MMP19: variants seen among roughly 807,000 people sequenced by gnomAD.
MMP19 encodes the protein matrix metalloproteinase-19.
In MMP19, 47 loss-of-function variants were observed where a neutral mutation model predicts 46.6. That is an observed-to-expected ratio of 1.01 (90% CI 0.80 to 1.29). The LOEUF is 1.29. Ranked by LOEUF, MMP19 falls within the 50% of genes most tolerant of loss-of-function variation. The pLI, the probability that MMP19 is intolerant of heterozygous loss-of-function variation, is 0.00. For synonymous variants in MMP19, 222 were observed against 248.5 expected (o/e 0.89, Z 1.00); for missense variants, 589 against 643.5 (o/e 0.92, Z 0.92).
In MMP19 at chr12:55,841,161, AG is replaced by A; in HGVS notation, c.248del (p.Pro83LeufsTer5). 1 of 1,613,880 alleles carries A rather than the reference AG, an allele frequency of 6.2e-7. No individual in the cohort carries two copies. ...DDATRARMRQPRCGLEDPFNQ... is the reference protein window; with the variant it reads ...DDATRARMRQXRCGLEDPFNQ... The stretch of plus-strand genomic sequence containing the variant: ...TGAAGGGATCCTCTAGGCCACAACG[AG>A]GCTGCCTCATGCGGGCCCTTGTGGC... On this transcript the variant is annotated frameshift_variant, in exon 3 of 9. Coordinates refer to ENST00000322569, the MANE Select transcript of MMP19 (RefSeq NM_002429.6). LOFTEE classifies it high-confidence loss of function.
chr12:55,840,854 G>T lies in MMP19; in HGVS notation c.333C>A (p.Phe111Leu). 2 of 1,593,190 alleles carry T rather than the reference G, an allele frequency of 1.3e-6. No individual in the cohort carries two copies. The highest frequency in any genetic ancestry group is 1.7e-6 in the Non-Finnish European group (2 of 1,165,756). Residue 111 changes from phenylalanine (F) to leucine (L), a missense_variant, in exon 4 of 9, where the codon TTC (phenylalanine) becomes TTA (leucine). Coordinates refer to ENST00000322569, the MANE Select transcript of MMP19 (RefSeq NM_002429.6). Reference sequence around the variant, plus strand: ...GGGTGGAGGGCAGGTTCAAGATGCGGAAAGTCAGGTGCTTCTTTCTCCAGC... The same window carrying T: ...GGGTGGAGGGCAGGTTCAAGATGCGTAAAGTCAGGTGCTTCTTTCTCCAGC... ...LGRWRKKHLT[F>L]RILNLPSTLP...
intron 5 of MMP19, 134 bp from the exon 6 acceptor site, chr12:55,838,868 G>C: frequency 1.4e-6 from 1 of 690,038 alleles, no homozygotes; most frequent in African/African-American, 1.8e-5. Context: ...ATTTGTGGTA[G>C]GCAATATTAT....
Position 55,837,351 on chromosome 12 carries a change from G to C in MMP19, c.1212C>G (p.Asp404Glu). 1 of 1,604,516 alleles carries C rather than the reference G, an allele frequency of 6.2e-7. No individual in the cohort carries two copies. Among genetic ancestry groups the C allele is most frequent in the South Asian group, 1.1e-5 (1 of 90,708 alleles). ...TGCTGAAGTCAGTTCGGGCTAGCTC[G>C]TCCCACTGCCAGTACCCGGAGCCCT... Reference protein sequence around the residue: ...LFKGSGYWQWDELARTDFSSY... With the variant: ...LFKGSGYWQWEELARTDFSSY... Residue 404 changes from aspartate (D) to glutamate (E), a missense_variant, in exon 9 of 9, where the codon GAC becomes GAG. Asp to Glu is a conservative substitution (Grantham distance 45). Coordinates refer to ENST00000322569, the MANE Select transcript of MMP19 (RefSeq NM_002429.6).
chr12:55,837,964 C>A lies in MMP19; in HGVS notation c.939G>T (p.Trp313Cys). The A allele has an allele frequency of 3.7e-6, 6 of 1,603,292 alleles. No individual in the cohort carries two copies. Among genetic ancestry groups the A allele is most frequent in the Non-Finnish European group, 5.1e-6 (6 of 1,171,344 alleles). The change falls in exon 7 of 9, where the codon TGG becomes TGT. Residue 313 changes from tryptophan (W) to cysteine (C), a missense_variant. Coordinates refer to ENST00000322569, the MANE Select transcript of MMP19 (RefSeq NM_002429.6). ...KTYAFKGDYV[W>C]TVSDSGPGPL... ...GGCCCGGTCCTGAATCTGATACAGT[C>A]CACACATAGTCCCCCTTGAAAGCAT...
intron 2 of MMP19, among the ~76,000 whole-genome samples, chr12:55,841,764 G>T (rs559496398): frequency 6.6e-6 from 1 of 152,038 alleles, no homozygotes; most frequent in African/African-American, 2.4e-5. Flanking sequence ...GGAGGTGTCT[G>T]GCTCCCCTGC....
chr12:55,841,501 C>G (rs1881692314), intron 2 of MMP19: 1 of 358,978 alleles, frequency 2.8e-6, no homozygotes, highest in African/African-American at 2.1e-5. Context: ...CCTTCCTCCT[C>G]TACTGCAATC....
Position 55,842,930 on chromosome 12 carries a change from C to T in MMP19, c.-100G>A, listed in dbSNP as rs1376166484. ...TGCTAGGCAGAGGGGCTCTTACCCC[C>T]AGTTCTTTTTACTCTCCAGCCTCTA... is the stretch of plus-strand genomic sequence containing the variant. On this transcript the variant is annotated 5_prime_UTR_variant, in exon 1 of 9. Coordinates refer to ENST00000322569, the MANE Select transcript of MMP19 (RefSeq NM_002429.6). 6.7e-6 allele frequency: 6 copies of T among 894,420 alleles called. No homozygotes were observed. Among genetic ancestry groups the T allele is most frequent in the South Asian group, 2.9e-5 (2 of 68,812 alleles). The allele number at this position is 894,420 out of a possible 1,614,324, so 55.4% of individuals were successfully genotyped here. A position where few individuals can be genotyped will look rare whatever the true frequency, so the allele number is the denominator to read the frequency against.
chr12:55,836,902 G>T lies in MMP19; in HGVS notation c.*134C>A. On this transcript the variant is annotated 3_prime_UTR_variant, in exon 9 of 9. Transcript: ENST00000322569. ...GATCTACGGTCTTGCGCCTGCTACAGCACCTGCAAGGTTCTACTGAGCAGA... is the reference window on the plus strand; with the variant it reads ...GATCTACGGTCTTGCGCCTGCTACATCACCTGCAAGGTTCTACTGAGCAGA... The T allele has an allele frequency of 2.5e-6, 2 of 812,138 alleles. No homozygotes were observed. Among genetic ancestry groups the T allele is most frequent in the Non-Finnish European group, 1.9e-6 (1 of 518,784 alleles). 50.3% of individuals were successfully genotyped at this position (812,138 alleles called of 1,614,324 possible). A position where few individuals can be genotyped will look rare whatever the true frequency, so the allele number is the denominator to read the frequency against.
chr12:55,841,804 C>A (rs1178757003), intron 2 of MMP19, among the ~76,000 whole-genome samples: 2 of 152,166 alleles, frequency 1.3e-5, no homozygotes, highest in Non-Finnish European at 2.9e-5. Flanking sequence ...GTGCTCCCAC[C>A]TGACAGCCTG....
rs1405849866 is a variant in MMP19, at chr12:55,836,880, C to A, written c.*156G>T. ...GTTGGAAGTGTTAGAGGCCTGAGAT[C>A]TACGGTCTTGCGCCTGCTACAGCAC... On this transcript the variant is annotated 3_prime_UTR_variant, in exon 9 of 9. Coordinates refer to ENST00000322569, the MANE Select transcript of MMP19 (RefSeq NM_002429.6). 1.7e-5 allele frequency: 11 copies of A among 662,388 alleles called. No homozygotes were observed. The highest frequency in any genetic ancestry group is 3.7e-4 in the Middle Eastern group (1 of 2,670). 41.0% of individuals were successfully genotyped at this position (662,388 alleles called of 1,614,324 possible).
intron 4 of MMP19, 157 bp from the exon 5 acceptor site, chr12:55,839,898 T>G: frequency 9.9e-7 from 1 of 1,006,096 alleles, no homozygotes; most frequent in Non-Finnish European, 1.4e-6. Flanking sequence ...CAGATTCCCC[T>G]GTCATCACCC....
chr12:55,841,686 T>TG (rs1881715189), intron 2 of MMP19, among the ~76,000 whole-genome samples: 1 of 152,204 alleles, frequency 6.6e-6, no homozygotes, highest in Non-Finnish European at 1.5e-5. Context: ...CCCAAAGTGC[T>TG]GGGATTACAG....
intron 6 of MMP19, chr12:55,838,267 C>T (rs1249741728): frequency 3.2e-6 from 2 of 621,982 alleles, no homozygotes; most frequent in East Asian, 2.8e-5. Flanking sequence ...GAACCTCACC[C>T]TCCCCTCCAA....
Position 55,839,698 on chromosome 12 carries a change from C to T in MMP19, c.564G>A (p.Val188=). 1 of 1,614,022 alleles carries T rather than the reference C, an allele frequency of 6.2e-7. No homozygotes were observed. The change falls in exon 5 of 9, where the codon GTG becomes GTA. Residue 188 remains valine, a synonymous_variant. Coordinates refer to ENST00000322569, the MANE Select transcript of MMP19 (RefSeq NM_002429.6). ...AHADIPELGS[V]HFDEDEFWTE... ...TCCAGAACTCGTCTTCGTCGAAGTG[C>T]ACACTGCCCAGCTCTGGGATGTCGG...
In MMP19 at chr12:55,839,559, C is replaced by T. The variant is rs752383396; in HGVS notation, c.703G>A (p.Glu235Lys). ...YSQALMAPVY[E>K]GYRPHFKLHP... is the part of the protein sequence containing the mutation. Reference sequence around the variant, plus strand: ...AGCTTAAAGTGGGGCCGGTAGCCCTCGTAGACTGGGGCCATGAGGGCCTGG... The same window carrying T: ...AGCTTAAAGTGGGGCCGGTAGCCCTTGTAGACTGGGGCCATGAGGGCCTGG... Residue 235 changes from glutamate to lysine, a missense_variant, in exon 5 of 9, where the codon GAG becomes AAG. Transcript: ENST00000322569. 5.2e-5 allele frequency: 84 copies of T among 1,614,012 alleles called. No homozygotes were observed. Among genetic ancestry groups the T allele is most frequent in the Non-Finnish European group, 6.2e-5 (73 of 1,179,992 alleles).
intron 2 of MMP19, among the ~76,000 whole-genome samples, chr12:55,841,608 G>T (rs1048274620): frequency 6.7e-6 from 1 of 150,186 alleles, no homozygotes; most frequent in Non-Finnish European, 1.5e-5. Context: ...TGGTAGAGAT[G>T]GGGTCTCATT....
At position 55,837,667 on chromosome 12, in the gene MMP19, C is replaced by T. The variant is rs779486182; in HGVS notation, c.1076G>A (p.Arg359His). The part of the protein sequence containing the change: ...IHFFKGDKVW[R>H]YINFKMSPGF... ...AGGAGACATCTTGAAATTAATGTAGCGCCACACCTTGTCTCCTGAGAGCAT... is the reference window on the plus strand; with the variant it reads ...AGGAGACATCTTGAAATTAATGTAGTGCCACACCTTGTCTCCTGAGAGCAT... Residue 359 changes from arginine to histidine, a missense_variant, in exon 8 of 9, where the codon CGC (arginine) becomes CAC (histidine). By Grantham distance (29) the Arg-to-His change is conservative. Coordinates refer to ENST00000322569, the MANE Select transcript of MMP19 (RefSeq NM_002429.6). 15 of 1,614,036 alleles carry T rather than the reference C, an allele frequency of 9.3e-6. No homozygotes were observed. The highest frequency in any genetic ancestry group is 1.6e-4 in the Middle Eastern group (1 of 6,072).
At chr12:55,838,460 A>G in intron 6 of MMP19, 146 bp downstream of exon 6, 1 of 1,590,246 alleles carries the variant, frequency 6.3e-7, no homozygotes, top group Non-Finnish European at 8.6e-7. Flanking sequence ...TCCCCATGTC[A>G]CATGTCTCCT....
intron 5 of MMP19, 149 bp downstream of exon 5, chr12:55,839,347 T>A: frequency 1.1e-6 from 1 of 941,624 alleles, no homozygotes; most frequent in Non-Finnish European, 1.5e-6. Context: ...TGAGAAAAAC[T>A]GCTCCTGAAA....
Sources: allele counts gnomAD v4.1 joint callset (sites outside exome capture counted in the v4.1 genomes callset), GRCh38; gene constraint gnomAD v4.1.1; transcripts MANE v1.5; gene names NCBI Gene and HGNC (gene_info 2026-07-23, HGNC 2026-07-21).